The following NCOA3 variants were observed in gnomAD, a reference collection of about 807,000 sequenced individuals.
The protein encoded by NCOA3 is nuclear receptor coactivator 3, also known as CBP-interacting protein.
Under a neutral mutation model 158.8 loss-of-function variants are expected in NCOA3, and 51 were observed. The ratio of observed to expected loss-of-function variants is 0.32; its 90% CI spans 0.26 to 0.41. NCOA3 has a LOEUF of 0.41. Among genes scored for constraint, NCOA3 ranks in the 10% least tolerant of loss-of-function variants. The pLI, the probability that NCOA3 is intolerant of heterozygous loss-of-function variation, is 1.00. For missense variants in NCOA3, 1,510 were observed against 1,746.6 expected (o/e 0.86, Z 2.41); for synonymous variants, 537 against 592.4 (o/e 0.91, Z 1.36).
intron 2 of NCOA3, among the ~76,000 whole-genome samples, chr20:47,602,940 A>G (rs1020130925): frequency 6.6e-6 from 1 of 152,136 alleles, no homozygotes; most frequent in African/African-American, 2.4e-5. Flanking sequence ...CTAAATTGCC[A>G]GTGTCTTTAG....
rs1250874512 is a variant in NCOA3, at chr20:47,636,433, C to A, written c.2047C>A (p.Arg683=). 3 of 1,613,920 alleles carry A rather than the reference C, an allele frequency of 1.9e-6. No individual in the cohort carries two copies. The highest frequency in any genetic ancestry group is 2.2e-5 in the East Asian group (1 of 44,886). ...TGGGTCACTGTTACAAGAGAAGCAC[C>A]GGATTTTGCACAAGTTGCTGCAGAA... is the stretch of plus-strand genomic sequence containing the variant. ...MHGSLLQEKH[R]ILHKLLQNGN... is the part of the protein sequence containing the mutation. Residue 683 remains arginine, a synonymous_variant, in exon 12 of 23, where the codon CGG becomes AGG. Coordinates refer to ENST00000371998, the MANE Select transcript of NCOA3 (RefSeq NM_181659.3).
intron 1 of NCOA3, among the ~76,000 whole-genome samples, chr20:47,580,372 C>T (rs1228050067): frequency 6.6e-6 from 1 of 152,062 alleles, no homozygotes; most frequent in Non-Finnish European, 1.5e-5. Flanking sequence ...CGATACCAGC[C>T]TGGCCAATGT....
chr20:47,635,412 G>A lies in NCOA3; in HGVS notation c.1203G>A (p.Met401Ile), dbSNP rs1416543790. 6.2e-7 allele frequency: 1 copy of A among 1,614,196 alleles called. No individual in the cohort carries two copies. The highest frequency in any genetic ancestry group is 2.2e-5 in the East Asian group (1 of 44,884). ...MAGCNSSVGG[M>I]SMSPNQGLQM... ...GATGCAACAGTTCGGTAGGCGGCAT[G>A]AGTATGTCGCCAAACCAAGGCTTAC... Residue 401 changes from methionine (M) to isoleucine (I), a missense_variant, in exon 11 of 23, where the codon ATG becomes ATA. Met to Ile is a conservative substitution (Grantham distance 10). Around this residue, in one of 4 missense-constraint regions of NCOA3, gnomAD observed 1,017 missense variants for 1,098.3 expected, o/e 0.93. Coordinates refer to ENST00000371998, the MANE Select transcript of NCOA3 (RefSeq NM_181659.3).
intron 2 of NCOA3, among the ~76,000 whole-genome samples, chr20:47,611,871 T>C (rs2146279457): frequency 6.6e-6 from 1 of 151,928 alleles, no homozygotes; most frequent in Middle Eastern, 3.4e-3. Flanking sequence ...TCACCCAGGC[T>C]GGAGTGCAGT....
intron 1 of NCOA3, among the ~76,000 whole-genome samples, chr20:47,556,483 G>T (rs1261913197): frequency 6.6e-6 from 1 of 152,150 alleles, no homozygotes; most frequent in Admixed American, 6.6e-5. Context: ...CAGTGAGAAG[G>T]AAGGGTTAAT....
intron 2 of NCOA3, among the ~76,000 whole-genome samples, chr20:47,615,533 C>T (rs1450946571): frequency 6.6e-6 from 1 of 152,172 alleles, no homozygotes; most frequent in East Asian, 1.9e-4. Flanking sequence ...TGCTGCTAAG[C>T]CATATACCAA....
chr20:47,586,185 C>G (rs1478996824), intron 2 of NCOA3, among the ~76,000 whole-genome samples: 2 of 152,142 alleles, frequency 1.3e-5, no homozygotes, highest in Non-Finnish European at 2.9e-5. Flanking sequence ...TCCCAAAGTG[C>G]TGGGGTTACA....
At chr20:47,517,696 C>T (rs577732093) in intron 1 of NCOA3, among the ~76,000 whole-genome samples, 1 of 152,070 alleles carries the variant, frequency 6.6e-6, no homozygotes, top group Non-Finnish European at 1.5e-5. Flanking sequence ...GGTGATCTGC[C>T]TGCCTCGGCC....
intron 1 of NCOA3, among the ~76,000 whole-genome samples, chr20:47,550,648 T>C (rs2084914771): frequency 6.6e-6 from 1 of 152,148 alleles, no homozygotes; most frequent in African/African-American, 2.4e-5. Flanking sequence ...TAATTTTTGA[T>C]GGTAGTTCAC....
intron 1 of NCOA3, among the ~76,000 whole-genome samples, chr20:47,533,330 T>TC (rs2084579802): frequency 6.6e-6 from 1 of 150,760 alleles, no homozygotes; most frequent in African/African-American, 2.4e-5. Context: ...TTTTTCTTTT[T>TC]CCCCTTCAAA....
At chr20:47,630,117 A>G (rs1049971747) in intron 8 of NCOA3, 3 of 152,214 alleles carry the variant, frequency 2.0e-5, no homozygotes, top group African/African-American at 7.2e-5. Flanking sequence ...GCCCAGGGCT[A>G]AACTCAGGAG....
chr20:47,530,145 T>G (rs2084521737), intron 1 of NCOA3, among the ~76,000 whole-genome samples: 1 of 152,266 alleles, frequency 6.6e-6, no homozygotes, highest in African/African-American at 2.4e-5. Flanking sequence ...GTTTCATCTC[T>G]GCCTGAATAG....
chr20:47,511,952 C>G (rs1393283810), intron 1 of NCOA3, among the ~76,000 whole-genome samples: 1 of 151,914 alleles, frequency 6.6e-6, no homozygotes, highest in Non-Finnish European at 1.5e-5. Context: ...CCTAAAAGTC[C>G]TGGCTTCACC....
At chr20:47,543,511 C>G (rs1037379930) in intron 1 of NCOA3, among the ~76,000 whole-genome samples, 4 of 145,274 alleles carry the variant, frequency 2.8e-5, no homozygotes, top group African/African-American at 5.0e-5. Context: ...TCTTCTTCTT[C>G]TTTTTTTTTT....
In NCOA3 at chr20:47,628,031, C is replaced by T. The variant is rs746639708; in HGVS notation, c.823+8C>T. The T allele has an allele frequency of 4.4e-6, 7 of 1,603,306 alleles. No individual in the cohort carries two copies. In the African/African-American group the frequency reaches 9.4e-5, roughly 21 times the overall value. ...CCAGACATGATCTTTCAGGTAAAAACTCTTTTTTTGTCTCTCTCTCTCTCT... is the reference window on the plus strand; with the variant it reads ...CCAGACATGATCTTTCAGGTAAAAATTCTTTTTTTGTCTCTCTCTCTCTCT... On this transcript the variant is annotated splice_region_variant and intron_variant, in intron 8 of 22. Transcript: ENST00000371998.
Position 47,635,663 on chromosome 20 carries a change from G to A in NCOA3, c.1454G>A (p.Arg485His), listed in dbSNP as rs529456958. 116 of 1,614,128 alleles carry A rather than the reference G, an allele frequency of 7.2e-5. No individual in the cohort carries two copies. In the South Asian group the frequency reaches 1.1e-3, roughly 15 times the overall value. ...PNQQNIMISP[R>H]NRGSPKIASH... is the part of the protein sequence containing the mutation. ...CAGCAGAATATCATGATTTCTCCTC[G>A]TAATCGTGGGAGTCCAAAGATAGCC... The change falls in exon 11 of 23, where the codon CGT becomes CAT. Residue 485 changes from arginine (R) to histidine (H), a missense_variant. Coordinates refer to ENST00000371998, the MANE Select transcript of NCOA3 (RefSeq NM_181659.3).
intron 1 of NCOA3, among the ~76,000 whole-genome samples, chr20:47,505,003 GTTTTTTTTTTTTT>G (rs1166777115): frequency 2.8e-4 from 8 of 28,550 alleles, no homozygotes; most frequent in African/African-American, 9.0e-4. Context: ...TGGGTTTTTG[GTTTTTTTTTTTTT>G]TTTTTTTTTT....
At chr20:47,523,791 C>G (rs1021388680) in intron 1 of NCOA3, among the ~76,000 whole-genome samples, 3 of 152,200 alleles carry the variant, frequency 2.0e-5, no homozygotes, top group Non-Finnish European at 4.4e-5. Context: ...ACTATTATCC[C>G]TGCTATAAGG....
At chr20:47,639,501 A>G (rs528091479) in intron 14 of NCOA3, 76 bp from the exon 15 acceptor site, 2 of 1,555,580 alleles carry the variant, frequency 1.3e-6, no homozygotes, top group East Asian at 4.5e-5. Context: ...TGTTGTGTAT[A>G]ATGGCTGTAC....
Sources: gnomAD v4.1 joint callset for allele counts (sites outside exome capture counted in the v4.1 genomes callset) on GRCh38, gnomAD v4.1.1 for gene constraint, gnomAD v4.1.1 regional missense constraint, MANE v1.5 for transcripts, NCBI Gene and HGNC (gene_info 2026-07-23, HGNC 2026-07-21) for gene names.